Variants in ICA1L observed in about 807,000 individuals in gnomAD.
The protein encoded by ICA1L is islet cell autoantigen 1-like protein.
Under a neutral mutation model 61.3 loss-of-function variants are expected in ICA1L, and 50 were observed. The ratio of observed to expected loss-of-function variants is 0.82; its 90% CI spans 0.65 to 1.03. The LOEUF (loss-of-function observed/expected upper bound fraction) is 1.03. Among genes scored for constraint, ICA1L ranks in the 50% least tolerant of loss-of-function variants. The pLI is 0.00. For synonymous variants in ICA1L, 161 were observed against 191.3 expected (o/e 0.84, Z 1.31); for missense variants, 508 against 556.7 (o/e 0.91, Z 0.88).
At chr2:202,825,898 G>C in intron 2 of ICA1L, 131 bp from the exon 3 acceptor site, 1 of 516,466 alleles carries the variant, frequency 1.9e-6, no homozygotes, top group Non-Finnish European at 3.2e-6. Context: ...ATTTTTCTTG[G>C]CTATGACATG....
rs747339192 is a variant in ICA1L at position 202,817,449 on chromosome 2, T to C, written c.653A>G (p.Asn218Ser). 2.5e-6 allele frequency: 4 copies of C among 1,610,418 alleles called. No homozygotes were observed. The highest frequency in any genetic ancestry group is 3.4e-6 in the Non-Finnish European group (4 of 1,177,922). ...GGTAGTGAGCGAATGAGATAGCATA[T>C]TGCAGCGACTAGCTCCAAGTAAATC... is the stretch of plus-strand genomic sequence containing the variant. ...KVDLLGASRC[N>S]MLSHSLTTYQ... Residue 218 changes from asparagine (N) to serine (S), a missense_variant, in exon 6 of 13, where the codon AAT (asparagine) becomes AGT (serine). By Grantham distance (46) the Asn-to-Ser change is conservative (BLOSUM62 1). Transcript: ENST00000358299.
At chr2:202,790,786 C>G (rs536392482) in intron 10 of ICA1L, among the ~76,000 whole-genome samples, 3 of 152,252 alleles carry the variant, frequency 2.0e-5, no homozygotes, top group African/African-American at 7.2e-5. Context: ...AGAGGCAAGC[C>G]AAGAAGACCT....
rs1287281055 is a variant in ICA1L at position 202,807,916 on chromosome 2, G to C, written c.910+3830C>G. On this transcript the variant is annotated intron_variant, in intron 9 of 12. Transcript: ENST00000358299. Reference sequence around the variant, plus strand: ...AAAGGGAAGGACCCAGTCCTGGAAGGATTTATCATCTGATGACTAAGAGAC... The same window carrying C: ...AAAGGGAAGGACCCAGTCCTGGAAGCATTTATCATCTGATGACTAAGAGAC... Among the ~76,000 whole-genome samples the C allele has an allele frequency of 2.0e-5, 3 of 152,180 alleles. No homozygotes were observed. The East Asian group carries it at 5.8e-4, about 30-fold the overall frequency.
At chr2:202,803,662 A>G (rs1415521544) in intron 9 of ICA1L, among the ~76,000 whole-genome samples, 1 of 151,930 alleles carries the variant, frequency 6.6e-6, no homozygotes, top group Admixed American at 6.6e-5. Context: ...CAGTTTCTGG[A>G]GTAGCTGGGA....
intron 1 of ICA1L, chr2:202,841,224 C>G (rs1694319983): frequency 2.8e-6 from 2 of 708,896 alleles, no homozygotes; most frequent in African/African-American, 1.7e-5. Context: ...CATCTCTGTA[C>G]GTTTGTTGAT....
intron 1 of ICA1L, among the ~76,000 whole-genome samples, chr2:202,848,981 C>T (rs935664158): frequency 2.6e-5 from 4 of 151,974 alleles, no homozygotes; most frequent in Non-Finnish European, 4.4e-5. Flanking sequence ...GTACAGCCCA[C>T]GGAGGGCAAG....
At chr2:202,788,158 G>A (rs999143759) in intron 11 of ICA1L, among the ~76,000 whole-genome samples, 1 of 152,180 alleles carries the variant, frequency 6.6e-6, no homozygotes, top group Non-Finnish European at 1.5e-5. Flanking sequence ...TGTAAGCCAG[G>A]TGCTGACATC....
At chr2:202,820,703 C>G (rs1025284712) in intron 4 of ICA1L, among the ~76,000 whole-genome samples, 6 of 152,096 alleles carry the variant, frequency 3.9e-5, no homozygotes, top group Non-Finnish European at 5.9e-5. Context: ...GCTTAGTGAC[C>G]ATTGGAGGGC....
intron 5 of ICA1L, 117 bp downstream of exon 5, chr2:202,819,584 G>A: frequency 2.5e-6 from 2 of 808,272 alleles, no homozygotes; most frequent in Non-Finnish European, 4.0e-6. Flanking sequence ...AAGCAACCAA[G>A]AATGTATAAT....
At position 202,849,163 on chromosome 2, in the gene ICA1L, A is replaced by G. The variant is rs780626763; in HGVS notation, c.-7-20147T>C. ...GATTCCCACATGTGCCTATACCACCAGGGCCCTGGGTTTCAAGCACAAAAC... is the reference window on the plus strand; with the variant it reads ...GATTCCCACATGTGCCTATACCACCGGGGCCCTGGGTTTCAAGCACAAAAC... On this transcript the variant is annotated intron_variant, in intron 1 of 12. Coordinates refer to ENST00000358299, the MANE Select transcript of ICA1L (RefSeq NM_001288622.3). The surrounding 1 kb of genome is among the most constrained non-coding windows in gnomAD (Gnocchi z 4.5). 6.6e-6 allele frequency among the ~76,000 whole-genome samples: 1 copy of G among 152,164 alleles called. No homozygotes were observed. Among genetic ancestry groups the G allele is most frequent in the Non-Finnish European group, 1.5e-5 (1 of 68,020 alleles).
chr2:202,817,323 C>A, intron 6 of ICA1L, 95 bp downstream of exon 6: 1 of 1,136,980 alleles, frequency 8.8e-7, no homozygotes, highest in Non-Finnish European at 1.2e-6. Flanking sequence ...GGAATCTAAT[C>A]ATACATAAAT....
chr2:202,861,260 T>C (rs72934725), intron 1 of ICA1L, among the ~76,000 whole-genome samples: 13,503 of 150,520 alleles, frequency 0.09, 740 homozygotes, highest in Non-Finnish European at 0.13. Context: ...CAAAAATTAG[T>C]CAGGAGTGGT....
At chr2:202,791,214 C>T (rs1692738388) in intron 10 of ICA1L, among the ~76,000 whole-genome samples, 1 of 152,160 alleles carries the variant, frequency 6.6e-6, no homozygotes, top group African/African-American at 2.4e-5. Flanking sequence ...TTGTGTGGAA[C>T]AATTTATGCT....
chr2:202,795,043 G>C (rs1459861970), intron 10 of ICA1L, among the ~76,000 whole-genome samples: 3 of 144,902 alleles, frequency 2.1e-5, no homozygotes, highest in Non-Finnish European at 4.5e-5. Context: ...AGCCTTACCA[G>C]ATACTAAAAC....
intron 1 of ICA1L, among the ~76,000 whole-genome samples, chr2:202,853,534 T>C (rs1438648940): frequency 6.6e-6 from 1 of 152,098 alleles, no homozygotes; most frequent in Non-Finnish European, 1.5e-5. Context: ...AAAGGGCTTC[T>C]GCACAGCAAA....
At chr2:202,808,548 G>T (rs528070332) in intron 9 of ICA1L, among the ~76,000 whole-genome samples, 2 of 152,154 alleles carry the variant, frequency 1.3e-5, no homozygotes, top group African/African-American at 4.8e-5. Context: ...TGAAGAGAAC[G>T]ACACAAGCCA....
chr2:202,832,515 A>T (rs185948337), intron 1 of ICA1L, among the ~76,000 whole-genome samples: 1 of 152,148 alleles, frequency 6.6e-6, no homozygotes, highest in Admixed American at 6.6e-5. Context: ...TAACATATAC[A>T]CAGACTTAAA....
At chr2:202,847,514 ATCTC>A (rs1694495024) in intron 1 of ICA1L, among the ~76,000 whole-genome samples, 1 of 151,968 alleles carries the variant, frequency 6.6e-6, no homozygotes. Flanking sequence ...AGTTACATTA[ATCTC>A]TCTTTTAGTT....
intron 9 of ICA1L, among the ~76,000 whole-genome samples, chr2:202,802,278 A>C (rs942907238): frequency 5.9e-5 from 9 of 152,288 alleles, no homozygotes; most frequent in African/African-American, 2.2e-4. Flanking sequence ...TGTAGAGGGA[A>C]AGGGGGATGA....
Sources: allele counts gnomAD v4.1 joint callset (sites outside exome capture counted in the v4.1 genomes callset), GRCh38; gene constraint gnomAD v4.1.1; non-coding constraint Gnocchi (gnomAD v3.1); transcripts MANE v1.5; gene names NCBI Gene and HGNC (gene_info 2026-07-23, HGNC 2026-07-21).